OCA2: variants seen among roughly 807,000 people sequenced by gnomAD.
OCA2 encodes the protein P protein.
OCA2 carries 77 observed loss-of-function variants against 100.2 expected under a neutral mutation model. The ratio of observed to expected loss-of-function variants is 0.77; its 90% confidence interval spans 0.64 to 0.93. The LOEUF (loss-of-function observed/expected upper bound fraction) is 0.93, where lower values mean the gene tolerates loss of function less well. Ranked by LOEUF, OCA2 falls within the 40% of genes least tolerant of loss-of-function variation. OCA2 has a pLI of 0.00. For synonymous variants in OCA2, 432 were observed against 439.2 expected (o/e 0.98, Z 0.21); for missense variants, 1,062 against 1,089.1 (o/e 0.98, Z 0.35).
At chr15:27,964,312 T>C (rs1316678575) in intron 15 of OCA2, among the ~76,000 whole-genome samples, 1 of 152,196 alleles carries the variant, frequency 6.6e-6, no homozygotes, top group African/African-American at 2.4e-5. Flanking sequence ...AAAAACAAAA[T>C]GCTAAACAAA....
chr15:27,765,696 A>G (rs531754143), intron 23 of OCA2, among the ~76,000 whole-genome samples: 3 of 152,316 alleles, frequency 2.0e-5, no homozygotes, highest in Admixed American at 2.0e-4. Context: ...ATAGAAATAA[A>G]ATAAAACTCT....
At chr15:27,881,990 T>C (rs2037037826) in intron 19 of OCA2, among the ~76,000 whole-genome samples, 1 of 152,208 alleles carries the variant, frequency 6.6e-6, no homozygotes, top group Admixed American at 6.5e-5. Flanking sequence ...TCTTTCTAGC[T>C]TTCTGATGTG....
intron 21 of OCA2, among the ~76,000 whole-genome samples, chr15:27,862,438 C>A (rs995842271): frequency 1.3e-5 from 2 of 151,414 alleles, no homozygotes; most frequent in Non-Finnish European, 2.9e-5. Context: ...GCCTGCCCAG[C>A]GCCAAAGAAC....
In OCA2 at chr15:27,986,616, T is replaced by A; in HGVS notation, c.1210A>T (p.Thr404Ser). ...MMILVAIFSE[T>S]GFFDYCAVKA... ...ACAGCACAATAATCGAAAAATCCCG[T>A]TTCTGAAAATATGGCTACTAAGATC... The change falls in exon 12 of 24, where the codon ACG becomes TCG. Residue 404 changes from threonine (T) to serine (S), a missense_variant. Coordinates refer to ENST00000354638, the MANE Select transcript of OCA2 (RefSeq NM_000275.3). The A allele has an allele frequency of 6.3e-7, 1 of 1,595,782 alleles. No individual in the cohort carries two copies. The highest frequency in any genetic ancestry group is 1.3e-5 in the African/African-American group (1 of 74,820).
chr15:27,809,459 A>G (rs2033988212), intron 23 of OCA2, among the ~76,000 whole-genome samples: 1 of 152,200 alleles, frequency 6.6e-6, no homozygotes, highest in African/African-American at 2.4e-5. Flanking sequence ...TGAGAACTGG[A>G]GCAAGACAAG....
intron 2 of OCA2, among the ~76,000 whole-genome samples, chr15:28,040,935 C>G (rs1390991370): frequency 6.6e-6 from 1 of 152,138 alleles, no homozygotes; most frequent in Non-Finnish European, 1.5e-5. Flanking sequence ...CAATTCTTCT[C>G]AAACTCTTCC....
At chr15:27,985,582 G>A (rs938806789) in intron 12 of OCA2, among the ~76,000 whole-genome samples, 1 of 152,184 alleles carries the variant, frequency 6.6e-6, no homozygotes, top group African/African-American at 2.4e-5. Flanking sequence ...ACTTTTAATA[G>A]TAAGGAGTAA....
chr15:27,970,562 A>G (rs543716977), intron 14 of OCA2, among the ~76,000 whole-genome samples: 1 of 152,198 alleles, frequency 6.6e-6, no homozygotes, highest in East Asian at 1.9e-4. Flanking sequence ...CACGCACAGC[A>G]TGATGGGAAA....
chr15:27,793,763 G>A (rs755035081), intron 23 of OCA2, among the ~76,000 whole-genome samples: 49 of 152,348 alleles, frequency 3.2e-4, no homozygotes, highest in Admixed American at 2.0e-4. Flanking sequence ...TGCCTGGGGC[G>A]ACTTTGTGTA....
chr15:27,788,108 T>C (rs1011656295), intron 23 of OCA2, among the ~76,000 whole-genome samples: 3 of 152,056 alleles, frequency 2.0e-5, no homozygotes, highest in African/African-American at 4.8e-5. Context: ...ATTTCAGTCT[T>C]TGTAAATGTA....
intron 9 of OCA2, among the ~76,000 whole-genome samples, chr15:27,990,902 A>G (rs1316924425): frequency 2.0e-5 from 3 of 152,214 alleles, no homozygotes; most frequent in Non-Finnish European, 2.9e-5. Flanking sequence ...GGAAGGCCAG[A>G]TGGAGTATGT....
At chr15:27,907,478 A>C (rs1584409) in intron 19 of OCA2, among the ~76,000 whole-genome samples, 87,761 of 151,750 alleles carry the variant, frequency 0.58, 26,629 homozygotes, top group East Asian at 0.96. Flanking sequence ...AACAAAGTCC[A>C]CCAAATAAAG....
intron 19 of OCA2, among the ~76,000 whole-genome samples, chr15:27,891,858 T>A (rs886507118): frequency 6.6e-6 from 1 of 151,590 alleles, no homozygotes; most frequent in Non-Finnish European, 1.5e-5. Context: ...ATTGAAAAAA[T>A]AACCCAACTA....
At chr15:28,096,965 C>G (rs1355162859) in intron 1 of OCA2, among the ~76,000 whole-genome samples, 5 of 152,128 alleles carry the variant, frequency 3.3e-5, no homozygotes, top group Non-Finnish European at 1.5e-5. Context: ...GGCCAGGACC[C>G]CTCCCCGCGG....
intron 18 of OCA2, among the ~76,000 whole-genome samples, chr15:27,927,911 C>G (rs776754948): frequency 2.6e-5 from 4 of 151,350 alleles, no homozygotes; most frequent in Non-Finnish European, 5.9e-5. Context: ...CCTGCCTCAG[C>G]CTCCCGAGTA....
At chr15:28,013,405 T>C (rs2042296296) in intron 9 of OCA2, among the ~76,000 whole-genome samples, 1 of 152,172 alleles carries the variant, frequency 6.6e-6, no homozygotes, top group Non-Finnish European at 1.5e-5. Flanking sequence ...TATTCCCTCA[T>C]TACCAAAGAG....
chr15:28,055,537 T>G (rs952958186), intron 2 of OCA2, among the ~76,000 whole-genome samples: 13 of 152,146 alleles, frequency 8.5e-5, no homozygotes, highest in African/African-American at 1.9e-4. Context: ...CCTAGATGGT[T>G]TGTTTGGGGT....
rs2033021907 is a variant in OCA2, at chr15:27,790,340, C to T, written c.2433-34868G>A. The stretch of plus-strand genomic sequence containing the variant: ...GATATAGCAACTATGGAAAATTAAG[C>T]ATAGCAAACTACCTGGCCTCACAGC... On this transcript the variant is annotated intron_variant, in intron 23 of 23. Coordinates refer to ENST00000354638, the MANE Select transcript of OCA2 (RefSeq NM_000275.3). Among the ~76,000 whole-genome samples the T allele has an allele frequency of 2.0e-5, 3 of 152,282 alleles. No individual in the cohort carries two copies. The East Asian group carries it at 5.8e-4, about 29-fold the overall frequency.
At chr15:27,941,153 T>A (rs1382004163) in intron 18 of OCA2, among the ~76,000 whole-genome samples, 1 of 152,156 alleles carries the variant, frequency 6.6e-6, no homozygotes, top group Non-Finnish European at 1.5e-5. Flanking sequence ...AAAATATAAT[T>A]TACATAGAAA....
Sources: allele counts gnomAD v4.1 joint callset (sites outside exome capture counted in the v4.1 genomes callset), GRCh38; gene constraint gnomAD v4.1.1; transcripts MANE v1.5; gene names NCBI Gene and HGNC (gene_info 2026-07-23, HGNC 2026-07-21).